PACRG: variants seen among roughly 807,000 people sequenced by gnomAD.
The protein encoded by PACRG is parkin coregulated gene protein.
PACRG carries 29 observed loss-of-function variants against 29.7 expected under a neutral mutation model. The observed-to-expected ratio is 0.98, with a 90% CI of 0.73 to 1.33. The LOEUF is 1.33. Ranked by LOEUF, PACRG falls within the 40% of genes most tolerant of loss-of-function variation. The probability of loss-of-function intolerance (pLI) is 0.00; values close to 1 mark genes in which losing one functional copy is unlikely to be tolerated. For synonymous variants in PACRG, 116 were observed against 118.7 expected (o/e 0.98, Z 0.15); for missense variants, 279 against 316.2 (o/e 0.88, Z 0.89).
intron 2 of PACRG, among the ~76,000 whole-genome samples, chr6:162,905,162 G>A (rs186679576): frequency 6.6e-6 from 1 of 152,264 alleles, no homozygotes; most frequent in East Asian, 1.9e-4. Context: ...CAGGAGGACT[G>A]GAGAAGGAAA....
At chr6:162,763,854 T>C (rs1214758274) in intron 1 of PACRG, among the ~76,000 whole-genome samples, 1 of 151,986 alleles carries the variant, frequency 6.6e-6, no homozygotes, top group Non-Finnish European at 1.5e-5. Flanking sequence ...ATCTTTTTCC[T>C]GTTATTCTCA....
At chr6:162,732,829 G>A (rs1196555132) in intron 1 of PACRG, among the ~76,000 whole-genome samples, 1 of 152,126 alleles carries the variant, frequency 6.6e-6, no homozygotes, top group Non-Finnish European at 1.5e-5. Flanking sequence ...AGCTTTTGGA[G>A]CTTCCCAATT....
chr6:162,731,487 C>T (rs1779763938), intron 1 of PACRG, among the ~76,000 whole-genome samples: 1 of 151,856 alleles, frequency 6.6e-6, no homozygotes, highest in South Asian at 2.1e-4. Context: ...GTAATATAGA[C>T]ATGATTTAAA....
chr6:163,232,888 G>A (rs757792047), intron 4 of PACRG, among the ~76,000 whole-genome samples: 1 of 151,982 alleles, frequency 6.6e-6, no homozygotes, highest in Non-Finnish European at 1.5e-5. Flanking sequence ...TCCTCCAGGA[G>A]CCTCCACCCC....
At chr6:163,174,403 T>C (rs1167137228) in intron 4 of PACRG, among the ~76,000 whole-genome samples, 1 of 152,218 alleles carries the variant, frequency 6.6e-6, no homozygotes, top group Admixed American at 6.5e-5. Flanking sequence ...CTTCTGAATA[T>C]GACCCAAAAC....
chr6:162,976,207 C>T (rs1429993389), intron 2 of PACRG, among the ~76,000 whole-genome samples: 3 of 152,078 alleles, frequency 2.0e-5, no homozygotes, highest in Non-Finnish European at 2.9e-5. Context: ...CACTGAGTAG[C>T]GTGTTTTAAA....
At chr6:162,951,747 G>A (rs1799668893) in intron 2 of PACRG, among the ~76,000 whole-genome samples, 2 of 152,152 alleles carry the variant, frequency 1.3e-5, no homozygotes, top group South Asian at 4.1e-4. Context: ...CAGTTACAGG[G>A]TGCAAACATT....
chr6:162,973,107 A>AGT, intron 2 of PACRG, among the ~76,000 whole-genome samples: 1 of 152,204 alleles, frequency 6.6e-6, no homozygotes, highest in Non-Finnish European at 1.5e-5. Flanking sequence ...CTTTGTTCCT[A>AGT]GTACGGTAAA....
chr6:162,982,781 G>A (rs1432808383), intron 2 of PACRG, among the ~76,000 whole-genome samples: 1 of 152,064 alleles, frequency 6.6e-6, no homozygotes, highest in African/African-American at 2.4e-5. Flanking sequence ...ATATTCTGCA[G>A]TTGTTGGGTA....
intron 2 of PACRG, among the ~76,000 whole-genome samples, chr6:163,049,365 G>A (rs1057267183): frequency 1.1e-4 from 17 of 152,030 alleles, no homozygotes; most frequent in African/African-American, 3.6e-4. Flanking sequence ...TGATTTAAAT[G>A]TAAAGAAAAT....
intron 4 of PACRG, among the ~76,000 whole-genome samples, chr6:163,206,773 A>AGAGAAAAGAGAAAACGTTCTTTTTTTGTT (rs67781391): frequency 4.6e-5 from 7 of 151,968 alleles, no homozygotes; most frequent in African/African-American, 1.7e-4. Context: ...TGGGGAGAAC[A>AGAGAAAAGAGAAAACGTTCTTTTTTTGTT]GTCTCTTAAG....
chr6:162,756,506 A>G (rs1781934878), intron 1 of PACRG, among the ~76,000 whole-genome samples: 1 of 152,102 alleles, frequency 6.6e-6, no homozygotes, highest in African/African-American at 2.4e-5. Context: ...ATCTTTTTCC[A>G]GGCCTACATT....
chr6:163,071,279 G>A (rs917782332), intron 3 of PACRG, among the ~76,000 whole-genome samples: 1 of 151,968 alleles, frequency 6.6e-6, no homozygotes, highest in Non-Finnish European at 1.5e-5. Flanking sequence ...CTCAAGGATA[G>A]ACCATATGTT....
intron 2 of PACRG, among the ~76,000 whole-genome samples, chr6:163,018,233 C>CATTTTT (rs1476907191): frequency 1.3e-5 from 2 of 152,268 alleles, no homozygotes; most frequent in Admixed American, 6.5e-5. Flanking sequence ...TCCTACCCCT[C>CATTTTT]ATTTTTACTA....
intron 4 of PACRG, among the ~76,000 whole-genome samples, chr6:163,141,258 G>A (rs547166754): frequency 1.9e-4 from 29 of 152,092 alleles, no homozygotes; most frequent in African/African-American, 6.8e-4. Flanking sequence ...GACAATTTCC[G>A]ACATACAAAG....
chr6:162,865,351 T>C (rs1792208032), intron 2 of PACRG, among the ~76,000 whole-genome samples: 1 of 152,204 alleles, frequency 6.6e-6, no homozygotes, highest in African/African-American at 2.4e-5. Context: ...ACTATGATAG[T>C]CTTGCTGTAT....
chr6:163,282,066 TG>T (rs1482965194), intron 4 of PACRG, among the ~76,000 whole-genome samples: 15 of 152,162 alleles, frequency 9.9e-5, no homozygotes, highest in African/African-American at 3.6e-4. Flanking sequence ...TTGGGTCACT[TG>T]AAAAAAAGGG....
chr6:162,827,664 T>A (rs535848392), intron 2 of PACRG, among the ~76,000 whole-genome samples: 2 of 152,196 alleles, frequency 1.3e-5, no homozygotes, highest in Admixed American at 6.5e-5. Context: ...CATCACTTGA[T>A]GTCTTGTACT....
chr6:162,934,260 C>CAAAA (rs771565424), intron 2 of PACRG, among the ~76,000 whole-genome samples: 5 of 146,826 alleles, frequency 3.4e-5, no homozygotes, highest in Admixed American at 6.9e-5. Flanking sequence ...GAGACTGTCT[C>CAAAA]AAAAAAAAAA....
Sources: gnomAD v4.1 joint callset for allele counts (sites outside exome capture counted in the v4.1 genomes callset) on GRCh38, gnomAD v4.1.1 for gene constraint, MANE v1.5 for transcripts, NCBI Gene and HGNC (gene_info 2026-07-23, HGNC 2026-07-21) for gene names.